RBFOX1: variants seen among roughly 807,000 people sequenced by gnomAD.
RBFOX1 encodes the protein RNA binding protein fox-1 homolog 1.
Under a neutral mutation model 57.7 loss-of-function variants are expected in RBFOX1, and 8 were observed. That is an observed-to-expected ratio of 0.14 (90% CI 0.08 to 0.25). The LOEUF is 0.25. Ranked by LOEUF, RBFOX1 falls within the 10% of genes least tolerant of loss-of-function variation. RBFOX1 has a pLI of 1.00. For synonymous variants in RBFOX1, 326 were observed against 222.4 expected (o/e 1.47, Z -4.15); for missense variants, 611 against 548.5 (o/e 1.11, Z -1.14).
intron 2 of RBFOX1, among the ~76,000 whole-genome samples, chr16:5,480,557 G>A (rs549212749): frequency 1.3e-5 from 2 of 152,166 alleles, no homozygotes; most frequent in Admixed American, 6.5e-5. Flanking sequence ...TGCCCTGTTC[G>A]CCCAGTCCAC....
intron 11 of RBFOX1, among the ~76,000 whole-genome samples, chr16:7,643,863 A>C (rs1418339759): frequency 6.6e-6 from 1 of 152,170 alleles, no homozygotes; most frequent in South Asian, 2.1e-4. Context: ...AATGGCGGGC[A>C]CACACACAGA....
chr16:6,961,706 T>C (rs34023455), intron 3 of RBFOX1, among the ~76,000 whole-genome samples: 92,962 of 151,796 alleles, frequency 0.61, 28,587 homozygotes, highest in Non-Finnish European at 0.63. Flanking sequence ...TGAGGTTCCT[T>C]CCTCACCTTT....
chr16:6,540,559 C>T (rs1414868708), intron 2 of RBFOX1, among the ~76,000 whole-genome samples: 1 of 137,580 alleles, frequency 7.3e-6, no homozygotes, highest in Non-Finnish European at 1.5e-5. Context: ...TTGCAGTGAG[C>T]CGAGATTGCA....
At chr16:6,899,021 G>GTATAA (rs568272297) in intron 3 of RBFOX1, among the ~76,000 whole-genome samples, 5,583 of 151,562 alleles carry the variant, frequency 0.037, 173 homozygotes, top group African/African-American at 0.086. Context: ...GCGCGTCTCT[G>GTATAA]TGTGTGTGTA....
At chr16:6,243,722 G>A (rs1168076016) in intron 1 of RBFOX1, among the ~76,000 whole-genome samples, 2 of 152,150 alleles carry the variant, frequency 1.3e-5, no homozygotes, top group African/African-American at 4.8e-5. Context: ...AGCCAGGCTG[G>A]TGCCACTCCA....
intron 4 of RBFOX1, among the ~76,000 whole-genome samples, chr16:7,179,085 A>G (rs1297941699): frequency 6.6e-6 from 1 of 152,134 alleles, no homozygotes; most frequent in African/African-American, 2.4e-5. Context: ...ATTAATGTAC[A>G]AAGTTCAACT....
chr16:7,649,179 A>T (rs1276006086), intron 11 of RBFOX1, among the ~76,000 whole-genome samples: 1 of 152,192 alleles, frequency 6.6e-6, no homozygotes, highest in Non-Finnish European at 1.5e-5. Context: ...GAGGAGGAGC[A>T]TGTCCACCCC....
intron 1 of RBFOX1, among the ~76,000 whole-genome samples, chr16:6,087,487 A>G (rs1010166121): frequency 3.3e-5 from 5 of 152,138 alleles, no homozygotes; most frequent in Admixed American, 2.0e-4. Flanking sequence ...GTGTATACAC[A>G]TATTTGGAAA....
At position 7,326,875 on chromosome 16, in the gene RBFOX1, G is replaced by C. The variant is rs553163075; in HGVS notation, c.28-191272G>C. ...CTCAGTGGTCTGGGGGCCCCTGGCA[G>C]CCCCTCCACCTTCCTCACACTTTTT... On this transcript the variant is annotated intron_variant, in intron 4 of 15. Transcript: ENST00000550418. Among the ~76,000 whole-genome samples the C allele has an allele frequency of 1.9e-3, 290 of 152,246 alleles. 1 individual carries two copies. The highest frequency in any genetic ancestry group is 6.4e-3 in the African/African-American group (265 of 41,538).
At chr16:6,117,994 A>G (rs2096515492) in intron 1 of RBFOX1, among the ~76,000 whole-genome samples, 1 of 152,210 alleles carries the variant, frequency 6.6e-6, no homozygotes, top group Non-Finnish European at 1.5e-5. Flanking sequence ...CTTTTGAAGT[A>G]GCAGCTGTAA....
chr16:6,103,015 C>G (rs914780703), intron 1 of RBFOX1, among the ~76,000 whole-genome samples: 21 of 152,250 alleles, frequency 1.4e-4, no homozygotes, highest in African/African-American at 3.9e-4. Context: ...TTGTGAGCAA[C>G]CACAGTGTCT....
At position 5,505,474 on chromosome 16, in the gene RBFOX1, C is replaced by G. The variant is rs556059862; in HGVS notation, c.258+38220C>G. The stretch of plus-strand genomic sequence containing the variant: ...TTTAGTGTCTGAGCAACATTTGCAG[C>G]CTGAGATTCCAGGGGTGCCCTATGT... On this transcript the variant is annotated intron_variant, in intron 2 of 2. Transcript: ENST00000585867. 1.2e-4 allele frequency among the ~76,000 whole-genome samples: 19 copies of G among 152,230 alleles called. 1 individual carries two copies. The East Asian group carries it at 3.5e-3, about 28-fold the overall frequency.
At chr16:7,314,324 G>T (rs1165548105) in intron 4 of RBFOX1, among the ~76,000 whole-genome samples, 1 of 152,176 alleles carries the variant, frequency 6.6e-6, no homozygotes, top group Non-Finnish European at 1.5e-5. Context: ...GCCTGGTCGT[G>T]TTCATAACGG....
At chr16:5,880,459 T>A (rs1178575049) in intron 4 of RBFOX1, among the ~76,000 whole-genome samples, 2 of 152,204 alleles carry the variant, frequency 1.3e-5, no homozygotes, top group Non-Finnish European at 2.9e-5. Context: ...TGTGCAGAAT[T>A]TATTACTTTC....
At chr16:6,903,869 G>A (rs2069098006) in intron 3 of RBFOX1, among the ~76,000 whole-genome samples, 1 of 152,116 alleles carries the variant, frequency 6.6e-6, no homozygotes, top group Non-Finnish European at 1.5e-5. Context: ...TGGAAAGGGT[G>A]GTGAAGCTGG....
chr16:7,310,519 A>C (rs1378854285), intron 4 of RBFOX1, among the ~76,000 whole-genome samples: 3 of 152,194 alleles, frequency 2.0e-5, no homozygotes, highest in African/African-American at 7.2e-5. Flanking sequence ...TGTTTTATCA[A>C]AACTTCATCA....
chr16:6,577,687 C>T (rs1263558583), intron 2 of RBFOX1, among the ~76,000 whole-genome samples: 1 of 152,154 alleles, frequency 6.6e-6, no homozygotes, highest in Non-Finnish European at 1.5e-5. Flanking sequence ...CAGGGGAAGT[C>T]CACCTGGATG....
intron 3 of RBFOX1, among the ~76,000 whole-genome samples, chr16:6,764,116 A>T (rs1210138243): frequency 6.6e-6 from 1 of 152,226 alleles, no homozygotes; most frequent in African/African-American, 2.4e-5. Context: ...TGTGCCTCCC[A>T]GTCTTTGCGT....
chr16:7,117,245 A>G (rs191821193), intron 4 of RBFOX1, among the ~76,000 whole-genome samples: 2 of 152,290 alleles, frequency 1.3e-5, no homozygotes, highest in Admixed American at 6.5e-5. Flanking sequence ...TAAACTCGGG[A>G]AAAACTGATC....
Sources: allele counts gnomAD v4.1 joint callset (sites outside exome capture counted in the v4.1 genomes callset), GRCh38; gene constraint gnomAD v4.1.1; transcripts MANE v1.5; gene names NCBI Gene and HGNC (gene_info 2026-07-23, HGNC 2026-07-21).